SGPP2: variants seen among roughly 807,000 people sequenced by gnomAD.
SGPP2 encodes the protein sphingosine 1-phosphate phosphohydrolase 2.
In SGPP2, 30 loss-of-function variants were observed where a neutral mutation model predicts 33.9. That is an observed-to-expected ratio of 0.89 (90% CI 0.66 to 1.20). The LOEUF (loss-of-function observed/expected upper bound fraction) is 1.20, where lower values mean the gene tolerates loss of function less well. Among genes scored for constraint, SGPP2 ranks in the 50% most tolerant of loss-of-function variants. SGPP2 has a pLI of 0.00. For synonymous variants in SGPP2, 233 were observed against 225.0 expected (o/e 1.04, Z -0.32); for missense variants, 458 against 532.1 (o/e 0.86, Z 1.37).
chr2:222,457,292 A>G (rs910041460), intron 1 of SGPP2, among the ~76,000 whole-genome samples: 27 of 152,174 alleles, frequency 1.8e-4, no homozygotes, highest in African/African-American at 6.3e-4. Context: ...TTTTGGAGCC[A>G]GAATAAATTC....
intron 1 of SGPP2, among the ~76,000 whole-genome samples, chr2:222,437,096 A>G (rs1697253451): frequency 6.6e-6 from 1 of 152,196 alleles, no homozygotes. Flanking sequence ...TCCTCTGCTG[A>G]GGCCACCCAT....
At position 222,463,424 on chromosome 2, in the gene SGPP2, T is replaced by A. The variant is rs568250550; in HGVS notation, c.220-11144T>A. ...GCTTGAGGCCAGGAGTTCAAGAACA[T>A]AGTAAGGCCCTGTCTCTACAAAATA... On this transcript the variant is annotated intron_variant, in intron 1 of 4. Transcript: ENST00000321276. Among the ~76,000 whole-genome samples the A allele has an allele frequency of 3.3e-5, 5 of 152,196 alleles. No homozygotes were observed. In the South Asian group the frequency reaches 1.0e-3, roughly 32 times the overall value.
At chr2:222,461,063 G>A (rs1019930748) in intron 1 of SGPP2, among the ~76,000 whole-genome samples, 6 of 152,062 alleles carry the variant, frequency 3.9e-5, no homozygotes, top group Admixed American at 6.5e-5. Flanking sequence ...GCTGTTTTTC[G>A]AATCTTTTTA....
intron 4 of SGPP2, among the ~76,000 whole-genome samples, chr2:222,547,889 G>C (rs4635527): frequency 0.36 from 54,168 of 151,976 alleles, 9,930 homozygotes; most frequent in South Asian, 0.48. Flanking sequence ...GAATATGTGT[G>C]AAAGATTTTA....
At chr2:222,532,304 A>G (rs1698851013) in intron 4 of SGPP2, among the ~76,000 whole-genome samples, 1 of 151,942 alleles carries the variant, frequency 6.6e-6, no homozygotes, top group African/African-American at 2.4e-5. Context: ...AGAAAAAAGA[A>G]AATGAAAGAA....
intron 2 of SGPP2, among the ~76,000 whole-genome samples, chr2:222,516,230 C>T (rs1195175790): frequency 6.6e-6 from 1 of 152,162 alleles, no homozygotes; most frequent in Non-Finnish European, 1.5e-5. Context: ...GTTTACATTT[C>T]CAAGAATTTT....
At chr2:222,556,855 CT>C (rs756032240) in intron 4 of SGPP2, among the ~76,000 whole-genome samples, 1 of 80,602 alleles carries the variant, frequency 1.2e-5, no homozygotes, top group African/African-American at 5.1e-5. Flanking sequence ...ACCCTCACTC[CT>C]TCCCCATCCA....
chr2:222,522,239 C>T (rs951927553), intron 3 of SGPP2, among the ~76,000 whole-genome samples: 2 of 152,168 alleles, frequency 1.3e-5, no homozygotes, highest in South Asian at 2.1e-4. Flanking sequence ...GTATTATCAC[C>T]CTGGGCTGCC....
chr2:222,559,086 T>A lies in SGPP2; in HGVS notation c.*188T>A, dbSNP rs777708067. ...ACTGTCTCATAGCGGTCATTGGTCG[T>A]CCGTGGTGGTTGGTTGTGCTACAGT... is the stretch of plus-strand genomic sequence containing the variant. On this transcript the variant is annotated 3_prime_UTR_variant, in exon 5 of 5. Transcript: ENST00000321276. 1.8e-6 allele frequency: 1 copy of A among 563,356 alleles called. No homozygotes were observed. The highest frequency in any genetic ancestry group is 3.1e-6 in the Non-Finnish European group (1 of 327,192). 34.9% of individuals were successfully genotyped at this position (563,356 alleles called of 1,614,324 possible).
chr2:222,560,461 T>G lies in SGPP2; in HGVS notation c.*1563T>G, dbSNP rs1176467179. The G allele has an allele frequency of 2.0e-5, 3 of 152,238 alleles. No individual in the cohort carries two copies. Among genetic ancestry groups the G allele is most frequent in the Non-Finnish European group, 4.4e-5 (3 of 68,042 alleles). 9.4% of individuals were successfully genotyped at this position (152,238 alleles called of 1,614,324 possible). On this transcript the variant is annotated 3_prime_UTR_variant, in exon 5 of 5. Transcript: ENST00000321276. The stretch of plus-strand genomic sequence containing the variant: ...CAAATACAAAACCCATTAAGCCTAC[T>G]AGGGTGAGTCCTCTTAACATGGGAA...
rs143353216 is a variant in SGPP2 at position 222,498,713 on chromosome 2, AG to A, written c.379-23052del. ...AAATAAAAATATATAGTCTAAATGC[AG>A]GCAGGGTATAAAGTTGTGTGAAGAA... On this transcript the variant is annotated intron_variant, in intron 2 of 4. Transcript: ENST00000321276. 5.3e-5 allele frequency among the ~76,000 whole-genome samples: 8 copies of A among 152,320 alleles called. No individual in the cohort carries two copies. The East Asian group carries it at 1.5e-3, about 29-fold the overall frequency.
rs559704527 is a variant in SGPP2, at chr2:222,477,119, G to A, written c.378+2393G>A. Among the ~76,000 whole-genome samples the A allele has an allele frequency of 2.0e-5, 3 of 151,382 alleles. No individual in the cohort carries two copies. In the South Asian group the frequency reaches 6.3e-4, roughly 32 times the overall value. Reference sequence around the variant, plus strand: ...TGTATGTATATAGGTGTGTATATATGTGTATGTGTGTGTATATAGGTGTGT... The same window carrying A: ...TGTATGTATATAGGTGTGTATATATATGTATGTGTGTGTATATAGGTGTGT... On this transcript the variant is annotated intron_variant, in intron 2 of 4. Transcript: ENST00000321276. The surrounding 1 kb of genome is among the most constrained non-coding windows in gnomAD (Gnocchi z 6.0).
chr2:222,472,012 T>C (rs1223435903), intron 1 of SGPP2, among the ~76,000 whole-genome samples: 1 of 152,192 alleles, frequency 6.6e-6, no homozygotes, highest in African/African-American at 2.4e-5. Flanking sequence ...CCAGGGTAAG[T>C]AGGAAGAAAA....
At chr2:222,495,752 G>T (rs1266332322) in intron 2 of SGPP2, among the ~76,000 whole-genome samples, 3 of 152,078 alleles carry the variant, frequency 2.0e-5, no homozygotes, top group African/African-American at 7.2e-5. Flanking sequence ...CCATTCTTTG[G>T]CTCATAAATG....
intron 4 of SGPP2, among the ~76,000 whole-genome samples, chr2:222,555,861 G>T (rs1689387923): frequency 6.6e-6 from 1 of 152,170 alleles, no homozygotes; most frequent in Non-Finnish European, 1.5e-5. Context: ...GAGAAAGAGA[G>T]AACATCTTTC....
chr2:222,497,591 T>C (rs927765996), intron 2 of SGPP2, among the ~76,000 whole-genome samples: 5 of 152,188 alleles, frequency 3.3e-5, no homozygotes, highest in Non-Finnish European at 7.3e-5. Flanking sequence ...AACCTTTAAA[T>C]GTATTTAGTC....
intron 1 of SGPP2, among the ~76,000 whole-genome samples, chr2:222,428,785 CTTTTTTTTT>C (rs58239129): frequency 1.3e-5 from 1 of 75,344 alleles, no homozygotes. Flanking sequence ...ACATGGTTTT[CTTTTTTTTT>C]TTTTTTTTTT....
chr2:222,494,350 T>C (rs1368680226), intron 2 of SGPP2, among the ~76,000 whole-genome samples: 1 of 152,220 alleles, frequency 6.6e-6, no homozygotes, highest in Admixed American at 6.5e-5. Context: ...TGAAGAGTTT[T>C]GGAAAGGGCC....
rs1053726266 is a variant in SGPP2 at position 222,477,776 on chromosome 2, G to A, written c.378+3050G>A. On this transcript the variant is annotated intron_variant, in intron 2 of 4. Coordinates refer to ENST00000321276, the MANE Select transcript of SGPP2 (RefSeq NM_152386.4). This position sits in a 1 kb window ranked among gnomAD's most constrained non-coding sequence, Gnocchi z 6.0. ...GGGAAGACCTCTAGACTCTATAGAA[G>A]GCTGTGGCTAGGGGACACTCTCGTT... Among the ~76,000 whole-genome samples, 2 of 152,106 alleles carry A rather than the reference G, an allele frequency of 1.3e-5. No homozygotes were observed. Among genetic ancestry groups the A allele is most frequent in the African/African-American group, 2.4e-5 (1 of 41,372 alleles).
Sources: gnomAD v4.1 joint callset for allele counts (sites outside exome capture counted in the v4.1 genomes callset) on GRCh38, gnomAD v4.1.1 for gene constraint, Gnocchi (gnomAD v3.1) non-coding constraint, MANE v1.5 for transcripts, NCBI Gene and HGNC (gene_info 2026-07-23, HGNC 2026-07-21) for gene names.